CECR2: variants seen among roughly 807,000 people sequenced by gnomAD.
CECR2 encodes chromatin remodeling regulator CECR2.
Under a neutral mutation model 154.5 loss-of-function variants are expected in CECR2, and 30 were observed. The ratio of observed to expected loss-of-function variants is 0.19; its 90% CI spans 0.15 to 0.26. The LOEUF (loss-of-function observed/expected upper bound fraction) is 0.26, where lower values mean the gene tolerates loss of function less well. Among genes scored for constraint, CECR2 ranks in the 10% least tolerant of loss-of-function variants. The pLI is 1.00. For missense variants in CECR2, 1,743 were observed against 1,829.3 expected, an observed-to-expected ratio of 0.95 and a Z score of 0.86; for synonymous variants, 725 against 683.7, an observed-to-expected ratio of 1.06 and a Z score of -0.94.
intron 1 of CECR2, among the ~76,000 whole-genome samples, chr22:17,476,090 G>A (rs1240558466): frequency 3.3e-5 from 5 of 150,692 alleles, no homozygotes; most frequent in African/African-American, 1.2e-4. Context: ...ATAATCTAAA[G>A]AATAGTTAAA....
intron 1 of CECR2, among the ~76,000 whole-genome samples, chr22:17,439,035 A>G (rs1437954533): frequency 6.6e-6 from 1 of 152,044 alleles, no homozygotes; most frequent in Non-Finnish European, 1.5e-5. Context: ...AAGTATGTAT[A>G]TATAAAAGCA....
chr22:17,414,193 C>T lies in CECR2; in HGVS notation c.126+44284C>T, dbSNP rs575603163. Among the ~76,000 whole-genome samples, 363 of 151,926 alleles carry T rather than the reference C, an allele frequency of 2.4e-3. 1 individual carries two copies. Among genetic ancestry groups the T allele is most frequent in the Non-Finnish European group, 3.9e-3 (262 of 67,964 alleles). ...TTCACTGTGTTAGCCAGGATGGTCT[C>T]GATCGCCTGACCTCGTGATCCGCCC... On this transcript the variant is annotated intron_variant, in intron 1 of 18. Coordinates refer to ENST00000262608, the MANE Select transcript of CECR2 (RefSeq NM_001290047.2).
At chr22:17,376,180 C>A (rs923212546) in intron 1 of CECR2, among the ~76,000 whole-genome samples, 2 of 152,100 alleles carry the variant, frequency 1.3e-5, no homozygotes, top group African/African-American at 4.8e-5. Flanking sequence ...TACCAGGTCC[C>A]CTTTCTATTT....
At chr22:17,373,856 C>T (rs2063088093) in intron 1 of CECR2, among the ~76,000 whole-genome samples, 1 of 152,202 alleles carries the variant, frequency 6.6e-6, no homozygotes. Context: ...TTTTATACCA[C>T]TTCAGTTAAA....
intron 1 of CECR2, among the ~76,000 whole-genome samples, chr22:17,420,475 C>G (rs530957017): frequency 1.3e-5 from 2 of 152,192 alleles, no homozygotes; most frequent in East Asian, 3.9e-4. Context: ...TGTAGGGTAT[C>G]TTTCTTTACC....
At chr22:17,448,697 A>G (rs1168794324) in intron 1 of CECR2, among the ~76,000 whole-genome samples, 2 of 152,104 alleles carry the variant, frequency 1.3e-5, no homozygotes, top group African/African-American at 4.8e-5. Context: ...GCTTAAGTCT[A>G]CGGTCTTTTG....
chr22:17,402,885 G>C (rs1357201507), intron 1 of CECR2, among the ~76,000 whole-genome samples: 2 of 151,844 alleles, frequency 1.3e-5, no homozygotes, highest in Non-Finnish European at 2.9e-5. Flanking sequence ...AGCCTCCTGA[G>C]TGGCTGGGAT....
At chr22:17,515,944 G>A (rs1365649598) in intron 8 of CECR2, among the ~76,000 whole-genome samples, 3 of 152,196 alleles carry the variant, frequency 2.0e-5, no homozygotes, top group Admixed American at 1.3e-4. Flanking sequence ...CAAAGTGCTG[G>A]GATTACAGGC....
Position 17,394,197 on chromosome 22 carries a change from C to CTTTTTTTTTTTTT in CECR2, c.126+24302_126+24314dup, listed in dbSNP as rs71200271. Among the ~76,000 whole-genome samples, 3 of 97,088 alleles carry CTTTTTTTTTTTTT rather than the reference C, an allele frequency of 3.1e-5. 1 individual carries two copies. Among genetic ancestry groups the CTTTTTTTTTTTTT allele is most frequent in the African/African-American group, 8.4e-5 (2 of 23,876 alleles). 63.7% of individuals were successfully genotyped at this position (97,088 alleles called of 152,430 possible). Reference sequence around the variant, plus strand: ...CCACCGCGCCCAGCTGCTGCCGCTGCTTTTTTTTTTTTTTTTTTTTTTTTT... The same window carrying CTTTTTTTTTTTTT: ...CCACCGCGCCCAGCTGCTGCCGCTGCTTTTTTTTTTTTTTTTTTTTTTTTTTTTTTTTTTTTTT... On this transcript the variant is annotated intron_variant, in intron 1 of 18. Transcript: ENST00000262608.
At position 17,421,570 on chromosome 22, in the gene CECR2, C is replaced by G. The variant is rs867307662; in HGVS notation, c.126+51661C>G. 1.2e-3 allele frequency among the ~76,000 whole-genome samples: 178 copies of G among 144,210 alleles called. 4 individuals carry two copies. The highest frequency in any genetic ancestry group is 1.1e-3 in the South Asian group (5 of 4,482). 94.6% of individuals were successfully genotyped at this position (144,210 alleles called of 152,430 possible). On this transcript the variant is annotated intron_variant, in intron 1 of 18. Coordinates refer to ENST00000262608, the MANE Select transcript of CECR2 (RefSeq NM_001290047.2). ...GCGGAGCTTGCAGTGAGCCGAGATCCCGCCACTGCACTCCAGCCTGGGCGA... is the reference window on the plus strand; with the variant it reads ...GCGGAGCTTGCAGTGAGCCGAGATCGCGCCACTGCACTCCAGCCTGGGCGA...
chr22:17,430,004 C>A (rs187756853), intron 1 of CECR2, among the ~76,000 whole-genome samples: 1 of 151,998 alleles, frequency 6.6e-6, no homozygotes, highest in Non-Finnish European at 1.5e-5. Flanking sequence ...CAGTTTAGAC[C>A]CCCCACCAAC....
At chr22:17,515,886 A>G (rs920951683) in intron 8 of CECR2, among the ~76,000 whole-genome samples, 6 of 152,106 alleles carry the variant, frequency 3.9e-5, no homozygotes, top group Admixed American at 6.6e-5. Context: ...CGTGTTAGCC[A>G]GGATGGTCTC....
At position 17,499,418 on chromosome 22, in the gene CECR2, T is replaced by A; in HGVS notation, c.414T>A (p.Asp138Glu). 1.2e-6 allele frequency: 2 copies of A among 1,613,648 alleles called. No homozygotes were observed. The highest frequency in any genetic ancestry group is 1.7e-6 in the Non-Finnish European group (2 of 1,179,712). Residue 138 changes from aspartate (D) to glutamate (E), a missense_variant, in exon 4 of 19, where the codon GAT (aspartate) becomes GAA (glutamate). Around this residue, in one of 4 missense-constraint regions of CECR2, gnomAD observed 98 missense variants for 169.3 expected, o/e 0.58. Coordinates refer to ENST00000262608, the MANE Select transcript of CECR2 (RefSeq NM_001290047.2). ...DDVFDLLKGL[D>E]ADSLRVEPLG... The stretch of plus-strand genomic sequence containing the variant: ...TTCCGTGCTCTGTGTAGGGCCTGGA[T>A]GCAGACAGTCTCCGTGTGGAGCCAT...
At position 17,449,646 on chromosome 22, in the gene CECR2, C is replaced by T. The variant is rs532010621; in HGVS notation, c.127-27942C>T. On this transcript the variant is annotated intron_variant, in intron 1 of 18. Coordinates refer to ENST00000262608, the MANE Select transcript of CECR2 (RefSeq NM_001290047.2). ...CTGGGACTACAGGCGCCCGCCACCA[C>T]GCCCGGCTAATTTTTTGTATTTTTA... Among the ~76,000 whole-genome samples, 820 of 151,918 alleles carry T rather than the reference C, an allele frequency of 5.4e-3. 6 individuals are homozygous for T. Among genetic ancestry groups the T allele is most frequent in the Middle Eastern group, 0.021 (6 of 292 alleles).
chr22:17,462,114 A>G (rs2054948584), intron 1 of CECR2, among the ~76,000 whole-genome samples: 1 of 151,612 alleles, frequency 6.6e-6, no homozygotes, highest in Non-Finnish European at 1.5e-5. Flanking sequence ...TTTTAAAGAT[A>G]AAGATCTTGA....
intron 9 of CECR2, among the ~76,000 whole-genome samples, chr22:17,529,738 C>T (rs1318592079): frequency 1.3e-5 from 2 of 151,332 alleles, no homozygotes; most frequent in African/African-American, 4.9e-5. Context: ...GAAAACAGGA[C>T]AGTCTCTGAC....
intron 9 of CECR2, among the ~76,000 whole-genome samples, chr22:17,527,682 G>C (rs1056931469): frequency 6.6e-6 from 1 of 151,308 alleles, no homozygotes; most frequent in Admixed American, 6.6e-5. Flanking sequence ...CAGGAGAATT[G>C]CTTGAACCTG....
intron 2 of CECR2, among the ~76,000 whole-genome samples, chr22:17,496,238 C>T (rs2055625124): frequency 6.6e-6 from 1 of 152,124 alleles, no homozygotes; most frequent in South Asian, 2.1e-4. Flanking sequence ...TGGCTCACGC[C>T]TGTAATCCCA....
intron 1 of CECR2, among the ~76,000 whole-genome samples, chr22:17,465,957 T>G (rs918414941): frequency 2.6e-5 from 4 of 152,198 alleles, no homozygotes; most frequent in African/African-American, 9.7e-5. Context: ...CACGTGTTAT[T>G]GAATCCTCAG....
Sources: allele counts gnomAD v4.1 joint callset (sites outside exome capture counted in the v4.1 genomes callset), GRCh38; gene constraint gnomAD v4.1.1; regional missense constraint gnomAD v4.1.1; transcripts MANE v1.5; gene names NCBI Gene and HGNC (gene_info 2026-07-23, HGNC 2026-07-21).